ABCC12: variants seen among roughly 807,000 people sequenced by gnomAD.
ABCC12 encodes ATP-binding cassette sub-family C member 12.
ABCC12 carries 142 observed loss-of-function variants against 151.1 expected under a neutral mutation model. The ratio of observed to expected loss-of-function variants is 0.94; its 90% CI spans 0.82 to 1.08. The LOEUF (loss-of-function observed/expected upper bound fraction) is 1.08. ABCC12 is among the 50% of genes least tolerant of loss of function. The probability of loss-of-function intolerance (pLI) is 0.00; values close to 1 mark genes in which losing one functional copy is unlikely to be tolerated. For synonymous variants in ABCC12, 645 were observed against 646.4 expected (o/e 1.00, Z 0.03); for missense variants, 1,638 against 1,691.1 (o/e 0.97, Z 0.55).
chr16:48,124,021 G>A (rs1343829207), intron 12 of ABCC12, among the ~76,000 whole-genome samples, 192 bp downstream of exon 12: 1 of 152,248 alleles, frequency 6.6e-6, no homozygotes, highest in Non-Finnish European at 1.5e-5. Flanking sequence ...AAGAGTTTGT[G>A]AAAAACTCAG....
chr16:48,095,919 G>C (rs557927288), intron 24 of ABCC12, among the ~76,000 whole-genome samples: 36 of 152,280 alleles, frequency 2.4e-4, no homozygotes, highest in African/African-American at 8.2e-4. Context: ...AAGATAACAA[G>C]ATTCAAACAA....
At chr16:48,129,657 T>C (rs1964357476) in intron 10 of ABCC12, among the ~76,000 whole-genome samples, 1 of 152,130 alleles carries the variant, frequency 6.6e-6, no homozygotes, top group African/African-American at 2.4e-5. Flanking sequence ...TTGACAGCTC[T>C]CTTGGGGTTG....
chr16:48,135,755 C>T (rs1488536792), intron 8 of ABCC12, among the ~76,000 whole-genome samples: 1 of 152,174 alleles, frequency 6.6e-6, no homozygotes, highest in Non-Finnish European at 1.5e-5. Context: ...CCTGAAGGCA[C>T]CTGCCTGGTG....
At chr16:48,152,964 T>C (rs1378208218) in intron 2 of ABCC12, among the ~76,000 whole-genome samples, 1 of 152,218 alleles carries the variant, frequency 6.6e-6, no homozygotes, top group Non-Finnish European at 1.5e-5. Flanking sequence ...TAATTTGCTA[T>C]AAAGAACATT....
At chr16:48,098,108 C>CAA (rs1963168777) in intron 23 of ABCC12, among the ~76,000 whole-genome samples, 3 of 151,000 alleles carry the variant, frequency 2.0e-5, no homozygotes, top group African/African-American at 4.9e-5. Flanking sequence ...CACACACACA[C>CAA]ACACACACAC....
At chr16:48,139,471 G>A (rs2150670626) in intron 6 of ABCC12, 135 bp from the exon 7 acceptor site, 3 of 836,822 alleles carry the variant, frequency 3.6e-6, no homozygotes, top group South Asian at 3.7e-5. Flanking sequence ...GGGGTCACCG[G>A]GGACCAATAT....
In ABCC12 at chr16:48,140,862, A is replaced by C; in HGVS notation, c.482T>G (p.Val161Gly). ...QTERTSGKVW[V>G]GIGLCIALFA... ...AAGGGCTATGCACAGTCCAATGCCA[A>C]CCCAGACTTTCCCAGAGGTCCTCTC... is the stretch of plus-strand genomic sequence containing the variant. Residue 161 changes from valine to glycine, a missense_variant, in exon 6 of 31, where the codon GTT becomes GGT. Transcript: ENST00000311303. The C allele has an allele frequency of 6.2e-7, 1 of 1,614,164 alleles. No individual in the cohort carries two copies. The highest frequency in any genetic ancestry group is 8.5e-7 in the Non-Finnish European group (1 of 1,180,032).
At chr16:48,130,008 T>C (rs1964367908) in intron 10 of ABCC12, among the ~76,000 whole-genome samples, 1 of 152,212 alleles carries the variant, frequency 6.6e-6, no homozygotes, top group South Asian at 2.1e-4. Context: ...GGTTCTTGAC[T>C]GGTTGGATGT....
rs1234502200 is a variant in ABCC12, at chr16:48,111,853, C to T, written c.2047G>A (p.Gly683Arg). ...LLEDGEICEK[G>R]THKELMEERG... ...TCCTCCATTAACTCCTTGTGGGTTC[C>T]CTTTTCACAAATCTCTCCATCTTCT... Residue 683 changes from glycine to arginine, a missense_variant, in exon 16 of 31, where the codon GGA becomes AGA. Gly to Arg is a moderately radical substitution (Grantham distance 125). Transcript: ENST00000311303. 6.2e-6 allele frequency: 10 copies of T among 1,614,148 alleles called. No homozygotes were observed. Among genetic ancestry groups the T allele is most frequent in the South Asian group, 1.1e-5 (1 of 91,076 alleles).
chr16:48,146,964 C>T (rs1472370364), intron 2 of ABCC12, among the ~76,000 whole-genome samples: 1 of 152,116 alleles, frequency 6.6e-6, no homozygotes, highest in African/African-American at 2.4e-5. Context: ...CACCCACACA[C>T]ACCCACGCAC....
rs188517931 is a variant in ABCC12 at position 48,102,468 on chromosome 16, C to A, written c.2901-1459G>T. Reference sequence around the variant, plus strand: ...TGCTTCTTTCTTTCCTTGCTTTGTGCGTTTTGTCCAATTCTTTGCTCAGGA... The same window carrying A: ...TGCTTCTTTCTTTCCTTGCTTTGTGAGTTTTGTCCAATTCTTTGCTCAGGA... On this transcript the variant is annotated intron_variant, in intron 22 of 30. Coordinates refer to ENST00000311303, the MANE Select transcript of ABCC12 (RefSeq NM_001393797.1). 3.4e-4 allele frequency among the ~76,000 whole-genome samples: 52 copies of A among 152,264 alleles called. 1 individual carries two copies. The East Asian group carries it at 9.3e-3, about 27-fold the overall frequency.
intron 3 of ABCC12, among the ~76,000 whole-genome samples, chr16:48,144,571 A>G (rs146443814): frequency 1.3e-5 from 2 of 152,288 alleles, no homozygotes; most frequent in East Asian, 1.9e-4. Context: ...CTCTGGGTGG[A>G]AAACTGGACA....
At chr16:48,124,094 C>A (rs1002173869) in intron 12 of ABCC12, 119 bp downstream of exon 12, 3 of 1,100,224 alleles carry the variant, frequency 2.7e-6, no homozygotes, top group Non-Finnish European at 4.1e-6. Flanking sequence ...TTATTGTGAA[C>A]CACATGCACA....
chr16:48,146,996 T>C (rs373447343), intron 2 of ABCC12, among the ~76,000 whole-genome samples: 2 of 151,990 alleles, frequency 1.3e-5, no homozygotes, highest in East Asian at 1.9e-4. Context: ...CACCCCTTCT[T>C]CTTTCAGATT....
intron 22 of ABCC12, 138 bp downstream of exon 22, chr16:48,104,003 AC>A: frequency 1.1e-6 from 1 of 872,968 alleles, no homozygotes; most frequent in South Asian, 1.8e-5. Context: ...TATGCAAAGC[AC>A]CTGGCATTTA....
At position 48,117,321 on chromosome 16, in the gene ABCC12, T is replaced by G. The variant is rs1567451588; in HGVS notation, c.1725A>C (p.Thr575=). The change falls in exon 14 of 31, where the codon ACA becomes ACC. Residue 575 remains threonine, a synonymous_variant. Transcript: ENST00000311303. ...EKYDHQRYQH[T]VRVCGLQKDL... Reference sequence around the variant, plus strand: ...CCTTCTGGAGGCCACAGACGCGGACTGTGTGCTGATACCTGTTGGTGCAAA... The same window carrying G: ...CCTTCTGGAGGCCACAGACGCGGACGGTGTGCTGATACCTGTTGGTGCAAA... 6.2e-7 allele frequency: 1 copy of G among 1,613,780 alleles called. No individual in the cohort carries two copies. Among genetic ancestry groups the G allele is most frequent in the Admixed American group, 1.7e-5 (1 of 59,990 alleles).
rs371047286 is a variant in ABCC12 at position 48,104,264 on chromosome 16, G to A, written c.2778C>T (p.His926=). The change falls in exon 22 of 31, where the codon CAC becomes CAT. Residue 926 remains histidine (H), a synonymous_variant. Coordinates refer to ENST00000311303, the MANE Select transcript of ABCC12 (RefSeq NM_001393797.1). Reference sequence around the variant, plus strand: ...AAAACTGCTGCAGAAAGTTCTCTGCGTGAAACGGCAGCCTCACATCCAGCT... The same window carrying A: ...AAAACTGCTGCAGAAAGTTCTCTGCATGAAACGGCAGCCTCACATCCAGCT... ...MDELDVRLPF[H]AENFLQQFFM... 255 of 1,614,122 alleles carry A rather than the reference G, an allele frequency of 1.6e-4. No homozygotes were observed. Among genetic ancestry groups the A allele is most frequent in the Non-Finnish European group, 2.0e-4 (237 of 1,180,056 alleles).
At chr16:48,134,208 G>A (rs1289631851) in intron 8 of ABCC12, among the ~76,000 whole-genome samples, 1 of 152,198 alleles carries the variant, frequency 6.6e-6, no homozygotes, top group Non-Finnish European at 1.5e-5. Context: ...AGAATCAAAG[G>A]GGCAGCCTCT....
chr16:48,081,166 T>A lies in ABCC12; in HGVS notation c.*2549A>T, dbSNP rs1962328245. Among the ~76,000 whole-genome samples the A allele has an allele frequency of 6.6e-6, 1 of 152,180 alleles. No individual in the cohort carries two copies. The highest frequency in any genetic ancestry group is 1.5e-5 in the Non-Finnish European group (1 of 68,036). On this transcript the variant is annotated 3_prime_UTR_variant, in exon 31 of 31. Transcript: ENST00000311303. ...GGATTATGTTTCAACAGGAGGATTT[T>A]GGGGGAACACAATGTTCAGATCATA...
Sources: gnomAD v4.1 joint callset for allele counts (sites outside exome capture counted in the v4.1 genomes callset) on GRCh38, gnomAD v4.1.1 for gene constraint, MANE v1.5 for transcripts, NCBI Gene and HGNC (gene_info 2026-07-23, HGNC 2026-07-21) for gene names.